Variants in TAF1 observed in about 807,000 individuals in gnomAD.
TAF1 encodes TATA-box binding protein associated factor 1.
A neutral mutation model predicts 138.5 loss-of-function variants in TAF1; 2 were observed. That is an observed-to-expected ratio of 0.01 (90% CI 0.01 to 0.05). The LOEUF (loss-of-function observed/expected upper bound fraction) is 0.05. Ranked by LOEUF, TAF1 falls within the 10% of genes least tolerant of loss-of-function variation. The pLI, the probability that TAF1 is intolerant of heterozygous loss-of-function variation, is 1.00. For synonymous variants in TAF1, 437 were observed against 503.2 expected, an observed-to-expected ratio of 0.87 and a Z score of 1.76; for missense variants, 709 against 1,478.0, an observed-to-expected ratio of 0.48 and a Z score of 8.53.
intron 32 of TAF1, among the ~76,000 whole-genome samples, chrX:71,442,029 G>A (rs747635892): frequency 5.6e-4 from 62 of 111,202 alleles, no homozygotes; most frequent in African/African-American, 1.8e-3. Flanking sequence ...AGTATTCCAT[G>A]GTGTATATGT....
chrX:71,396,356 G>A (rs1299095953), intron 22 of TAF1, among the ~76,000 whole-genome samples: 1 of 104,131 alleles, frequency 9.6e-6, no homozygotes, highest in African/African-American at 3.5e-5. Flanking sequence ...GGGCAGTGGT[G>A]CAACCATGGC....
intron 4 of TAF1, among the ~76,000 whole-genome samples, chrX:71,376,595 A>C (rs1329331145): frequency 9.2e-6 from 1 of 109,236 alleles, no homozygotes; most frequent in Non-Finnish European, 1.9e-5. Context: ...TGAACCCGAG[A>C]GAGAGAGGTT....
chrX:71,504,741 CAAAAAAAAAAAAAA>C (rs41370846), intron 13 of TAF1, among the ~76,000 whole-genome samples: 22 of 5,704 alleles, frequency 3.9e-3, no homozygotes, highest in Non-Finnish European at 6.9e-3. Flanking sequence ...GACCCTGTCT[CAAAAAAAAAAAAAA>C]AAAAAAAAAA....
intron 18 of TAF1, among the ~76,000 whole-genome samples, chrX:71,391,857 C>T (rs1001299420): frequency 9.1e-6 from 1 of 110,331 alleles, no homozygotes; most frequent in Non-Finnish European, 1.9e-5. Flanking sequence ...GAACTCCTGG[C>T]CTCAAGAGAT....
intron 28 of TAF1, among the ~76,000 whole-genome samples, chrX:71,413,567 T>C (rs1016199749): frequency 4.5e-5 from 5 of 111,848 alleles, no homozygotes; most frequent in African/African-American, 1.6e-4. Flanking sequence ...TCTCGAATCA[T>C]TTCCTTGCCT....
At chrX:71,381,125 A>G (rs190381616) in intron 8 of TAF1, among the ~76,000 whole-genome samples, 296 of 112,772 alleles carry the variant, frequency 2.6e-3, no homozygotes, top group Non-Finnish European at 4.6e-3. Flanking sequence ...AATACAATTT[A>G]TTACCATTTA....
intron 33 of TAF1, 87 bp from the exon 34 acceptor site, chrX:71,454,654 A>G: frequency 1.3e-6 from 1 of 757,368 alleles, no homozygotes; most frequent in South Asian, 2.7e-5. Flanking sequence ...AAGCTCCATG[A>G]AGATAGATAT....
At chrX:71,411,250 T>A (rs1387934390) in intron 28 of TAF1, among the ~76,000 whole-genome samples, 1 of 111,104 alleles carries the variant, frequency 9.0e-6, no homozygotes, top group African/African-American at 3.3e-5. Context: ...CCTGGCTAAT[T>A]TTTGTATTTT....
rs746629518 is a variant in TAF1 at position 71,460,707 on chromosome X, A to C, written c.5303A>C (p.Glu1768Ala). The C allele has an allele frequency of 8.3e-7, 1 of 1,210,602 alleles. No homozygotes were observed. Among genetic ancestry groups the C allele is most frequent in the South Asian group, 1.8e-5 (1 of 56,576 alleles). Residue 1768 changes from glutamate (E) to alanine (A), a missense_variant, in exon 37 of 38, where the codon GAG becomes GCG. Coordinates refer to ENST00000423759, the MANE Select transcript of TAF1 (RefSeq NM_004606.5). ...CCCAAACAACCCCGCATGCTTCAGG[A>C]GAACACAAGGATGGACATGGAAAAT... ...IRPKQPRMLQ[E>A]NTRMDMENEE... is the part of the protein sequence containing the mutation.
chrX:71,404,951 C>CTTTTT (rs1170234048), intron 25 of TAF1, among the ~76,000 whole-genome samples: 9 of 74,854 alleles, frequency 1.2e-4, no homozygotes, highest in Non-Finnish European at 1.5e-4. Context: ...TTATTCCAAA[C>CTTTTT]TTTTTTTTTT....
chrX:71,490,604 A>G (rs749566291), intron 13 of TAF1, among the ~76,000 whole-genome samples: 15 of 111,407 alleles, frequency 1.3e-4, no homozygotes, highest in Non-Finnish European at 2.3e-4. Flanking sequence ...AAATTGACAA[A>G]TTATACTACA....
chrX:71,455,583 C>T (rs2038241904), intron 34 of TAF1, among the ~76,000 whole-genome samples: 1 of 111,791 alleles, frequency 8.9e-6, no homozygotes, highest in South Asian at 3.7e-4. Flanking sequence ...TGACATAAAG[C>T]AGGCCTGGGT....
chrX:71,367,679 TTGTG>T, intron 2 of TAF1, 66 bp downstream of exon 2: 3 of 1,127,917 alleles, frequency 2.7e-6, no homozygotes, highest in East Asian at 3.0e-5. Context: ...ATGTACTTTT[TTGTG>T]TGTGTAAGAC....
chrX:71,372,432 CAAAAAAAAAAAA>C (rs41384445), intron 3 of TAF1, among the ~76,000 whole-genome samples: 1 of 28,537 alleles, frequency 3.5e-5, no homozygotes, highest in South Asian at 4.9e-3. Context: ...AACTCTGCCT[CAAAAAAAAAAAA>C]AAAAAAAAAA....
At chrX:71,506,124 C>CG (rs780119945) in intron 13 of TAF1, among the ~76,000 whole-genome samples, 83 of 108,654 alleles carry the variant, frequency 7.6e-4, no homozygotes, top group Non-Finnish European at 1.3e-3. Flanking sequence ...CCCTTGAACC[C>CG]GGGAGGTGGA....
intron 27 of TAF1, 133 bp from the exon 28 acceptor site, chrX:71,407,841 A>G (rs2035555383): frequency 1.0e-6 from 1 of 989,983 alleles, no homozygotes; most frequent in African/African-American, 1.9e-5. Context: ...TAGTAGAGGA[A>G]ACAGACGTGC....
At chrX:71,483,776 C>CTATA (rs1292946317) in intron 13 of TAF1, among the ~76,000 whole-genome samples, 747 of 63,299 alleles carry the variant, frequency 0.012, 12 homozygotes, top group Non-Finnish European at 0.014. Context: ...CTCTCTCTCT[C>CTATA]TCTCTATATA....
At chrX:71,429,441 T>TG (rs1569338526) in intron 32 of TAF1, among the ~76,000 whole-genome samples, 4 of 111,027 alleles carry the variant, frequency 3.6e-5, no homozygotes, top group Non-Finnish European at 5.7e-5. Context: ...ATAGCACAAA[T>TG]GCAAAAGTAG....
chrX:71,491,974 ATTC>A (rs1392588737), intron 13 of TAF1: 1 of 112,462 alleles, frequency 8.9e-6, no homozygotes, highest in African/African-American at 3.2e-5. Flanking sequence ...CTCTAACAAC[ATTC>A]TTTAAAAATA....
Sources: gnomAD v4.1 joint callset for allele counts (sites outside exome capture counted in the v4.1 genomes callset) on GRCh38, gnomAD v4.1.1 for gene constraint, MANE v1.5 for transcripts, NCBI Gene and HGNC (gene_info 2026-07-23, HGNC 2026-07-21) for gene names.